Variants in CCNY observed in about 807,000 individuals in gnomAD.
CCNY encodes cyclin Y.
In CCNY, 19 loss-of-function variants were observed where a neutral mutation model predicts 42.8. The observed-to-expected ratio is 0.44, with a 90% confidence interval of 0.31 to 0.65. The LOEUF (loss-of-function observed/expected upper bound fraction) is 0.65. Among genes scored for constraint, CCNY ranks in the 30% least tolerant of loss-of-function variants. The pLI, the probability that CCNY is intolerant of heterozygous loss-of-function variation, is 0.07. For synonymous variants in CCNY, 165 were observed against 162.7 expected, an observed-to-expected ratio of 1.01 and a Z score of -0.11; for missense variants, 370 against 437.3, an observed-to-expected ratio of 0.85 and a Z score of 1.37.
chr10:35,390,891 A>C (rs1365069883), intron 1 of CCNY, among the ~76,000 whole-genome samples: 1 of 152,214 alleles, frequency 6.6e-6, no homozygotes, highest in Non-Finnish European at 1.5e-5. Context: ...ATGAGTGGGA[A>C]CCCAGGGCCC....
intron 3 of CCNY, among the ~76,000 whole-genome samples, chr10:35,262,706 G>A (rs922103957): frequency 3.9e-5 from 6 of 151,972 alleles, no homozygotes; most frequent in African/African-American, 1.5e-4. Context: ...ATTGATATTG[G>A]GACTGGGGAG....
chr10:35,363,042 C>G (rs1564382808), intron 1 of CCNY, among the ~76,000 whole-genome samples: 1 of 144,162 alleles, frequency 6.9e-6, no homozygotes, highest in African/African-American at 2.6e-5. Context: ...GGCGGCCGGG[C>G]GGAGACGCTC....
At chr10:35,489,849 C>T (rs931529014) in intron 2 of CCNY, among the ~76,000 whole-genome samples, 2 of 152,142 alleles carry the variant, frequency 1.3e-5, no homozygotes, top group African/African-American at 4.8e-5. Context: ...CTGGGAAGTA[C>T]ATCAAAAAAG....
chr10:35,296,101 A>G (rs1031732856), intron 3 of CCNY, among the ~76,000 whole-genome samples: 3 of 152,242 alleles, frequency 2.0e-5, no homozygotes, highest in East Asian at 1.9e-4. Context: ...AGAACCTAAT[A>G]TCACAACTAG....
chr10:35,406,831 C>T (rs1051312632), intron 1 of CCNY, among the ~76,000 whole-genome samples: 5 of 151,802 alleles, frequency 3.3e-5, no homozygotes, highest in Non-Finnish European at 5.9e-5. Context: ...CCTCACCTCC[C>T]GGATGGGGCG....
At chr10:35,408,419 C>G (rs958193682) in intron 1 of CCNY, among the ~76,000 whole-genome samples, 16 of 152,082 alleles carry the variant, frequency 1.1e-4, no homozygotes, top group Non-Finnish European at 2.2e-4. Context: ...GTGGGATTAT[C>G]ATTAGTTCTT....
intron 1 of CCNY, among the ~76,000 whole-genome samples, chr10:35,450,878 T>C (rs1022550035): frequency 6.6e-6 from 1 of 152,004 alleles, no homozygotes; most frequent in African/African-American, 2.4e-5. Context: ...CACCAGCACC[T>C]GTGACTTTGG....
chr10:35,498,457 C>G (rs1336230452), intron 2 of CCNY, among the ~76,000 whole-genome samples: 6 of 152,188 alleles, frequency 3.9e-5, no homozygotes, highest in African/African-American at 1.4e-4. Flanking sequence ...TGCTGCTTCA[C>G]TCTTTCCTGC....
intron 1 of CCNY, among the ~76,000 whole-genome samples, chr10:35,423,940 A>G (rs1838213086): frequency 6.6e-6 from 1 of 152,174 alleles, no homozygotes; most frequent in African/African-American, 2.4e-5. Flanking sequence ...CTCAACATGG[A>G]AATGAGGAAA....
intron 3 of CCNY, among the ~76,000 whole-genome samples, chr10:35,277,965 T>C (rs1054006786): frequency 2.6e-4 from 40 of 152,140 alleles, no homozygotes; most frequent in Admixed American, 1.3e-4. Context: ...GAGCCAATAA[T>C]GATCTCTAAG....
At chr10:35,394,838 G>T (rs1443021583) in intron 1 of CCNY, 1 of 985,210 alleles carries the variant, frequency 1.0e-6, no homozygotes, top group Non-Finnish European at 1.2e-6. Context: ...GCTGAAAGCA[G>T]GAGAAAGTGT....
chr10:35,489,290 T>G (rs562454398), intron 2 of CCNY, among the ~76,000 whole-genome samples: 1 of 152,224 alleles, frequency 6.6e-6, no homozygotes, highest in East Asian at 1.9e-4. Context: ...TCAAAGCCTT[T>G]GTTTTTTGTT....
chr10:35,332,579 T>C (rs1442954649), upstream of CCNY: 3 of 152,230 alleles, frequency 2.0e-5, no homozygotes, highest in African/African-American at 7.2e-5. Context: ...GCTAAAAAAG[T>C]GTCAAGAGCA....
At chr10:35,419,273 G>A (rs1364014243) in intron 1 of CCNY, among the ~76,000 whole-genome samples, 1 of 152,176 alleles carries the variant, frequency 6.6e-6, no homozygotes, top group African/African-American at 2.4e-5. Context: ...TTATTGTGAA[G>A]CATCTCTAAT....
At chr10:35,261,850 G>A (rs1017503888) in intron 3 of CCNY, among the ~76,000 whole-genome samples, 22 of 151,612 alleles carry the variant, frequency 1.5e-4, no homozygotes, top group African/African-American at 5.3e-4. Context: ...GCAAAACCCC[G>A]TCTCTACTAA....
In CCNY at chr10:35,516,599, C is replaced by A; in HGVS notation, c.341C>A (p.Pro114Gln). The change falls in exon 4 of 10, where the codon CCA becomes CAA. Residue 114 changes from proline to glutamine, a missense_variant. By Grantham distance (76) the Pro-to-Gln change is moderately conservative. Coordinates refer to ENST00000374704, the MANE Select transcript of CCNY (RefSeq NM_145012.6). ...CTAGATGATAGCACAGTCAGTCAAC[C>A]AAACCTCAAGTATACAATTAAATGG... ...IFLDDSTVSQPNLKYTIKCVA... is the reference protein window; with the variant it reads ...IFLDDSTVSQQNLKYTIKCVA... The A allele has an allele frequency of 6.2e-7, 1 of 1,605,958 alleles. No individual in the cohort carries two copies. The highest frequency in any genetic ancestry group is 1.1e-5 in the South Asian group (1 of 90,880).
Position 35,541,989 on chromosome 10 carries a change from T to C in CCNY, c.580-11030T>C, listed in dbSNP as rs578103670. 3.9e-4 allele frequency among the ~76,000 whole-genome samples: 58 copies of C among 150,436 alleles called. 1 individual carries two copies. The South Asian group carries it at 0.012, about 31-fold the overall frequency. On this transcript the variant is annotated intron_variant, in intron 7 of 9. Coordinates refer to ENST00000374704, the MANE Select transcript of CCNY (RefSeq NM_145012.6). ...TTAGGATCCCATCCAGGACACCATA[T>C]TGTATCTAGTGGTCATTACCCAGCA... is the stretch of plus-strand genomic sequence containing the variant.
At chr10:35,275,056 CTTTTTTTTTTTTTT>C (rs34467762) in intron 3 of CCNY, among the ~76,000 whole-genome samples, 10 of 64,886 alleles carry the variant, frequency 1.5e-4, no homozygotes, top group African/African-American at 3.5e-4. Context: ...ACCGTCATTC[CTTTTTTTTTTTTTT>C]TTTTTTTTTT....
At position 35,292,156 on chromosome 10, in the gene CCNY, T is replaced by A. The variant is rs1490275668; in HGVS notation, c.-9+41530T>A. ...TCATGGTTTATTGGCCATTTATACA[T>A]CTTTTTTGGAGAAATTCAAAATTTT... On this transcript the variant is annotated intron_variant, in intron 3 of 11. Coordinates refer to the CCNY transcript ENST00000374706. 2.6e-5 allele frequency among the ~76,000 whole-genome samples: 4 copies of A among 152,130 alleles called. No individual in the cohort carries two copies. In the South Asian group the frequency reaches 8.3e-4, roughly 31 times the overall value.
Sources: gnomAD v4.1 joint callset for allele counts (sites outside exome capture counted in the v4.1 genomes callset) on GRCh38, gnomAD v4.1.1 for gene constraint, MANE v1.5 for transcripts, NCBI Gene and HGNC (gene_info 2026-07-23, HGNC 2026-07-21) for gene names.